Variants in ZNF723 observed in about 807,000 individuals in gnomAD.
ZNF723 encodes zinc finger protein 723, also known as zinc finger protein 723, pseudogene.
Under a neutral mutation model 9.4 loss-of-function variants are expected in ZNF723, and 5 were observed. The observed-to-expected ratio is 0.53, with a 90% CI of 0.28 to 1.12. The LOEUF (loss-of-function observed/expected upper bound fraction) is 1.12. Ranked by LOEUF, ZNF723 falls within the 50% of genes most tolerant of loss-of-function variation. ZNF723 has a pLI of 0.10. For missense variants in ZNF723, 450 were observed against 501.5 expected (o/e 0.90, Z 0.98); for synonymous variants, 158 against 168.8 (o/e 0.94, Z 0.49).
rs1967108685 is a variant in ZNF723 at position 22,832,395 on chromosome 19, G to A, written c.3+13G>A. The A allele has an allele frequency of 1.5e-6, 2 of 1,377,872 alleles. No homozygotes were observed. The highest frequency in any genetic ancestry group is 2.6e-5 in the East Asian group (1 of 38,444). 85.4% of individuals were successfully genotyped at this position (1,377,872 alleles called of 1,614,324 possible). ...AAGCCTAGAAATGGTGAGAGTACCG[G>A]GTCCGACATCCCGAGAGAGGGGAAG... On this transcript the variant is annotated intron_variant, in intron 1 of 3. Coordinates refer to ENST00000600766, the MANE Select transcript of ZNF723 (RefSeq NM_001349726.2).
At chr19:22,812,377 C>T in the ZNF723 span, among the ~76,000 whole-genome samples, 1 of 152,308 alleles carries the variant, frequency 6.6e-6, no homozygotes, top group East Asian at 1.9e-4. Flanking sequence ...TGAATGCAGT[C>T]TACAGTTGAA....
At chr19:22,831,474 T>G (rs1477395600), upstream of ZNF723, among the ~76,000 whole-genome samples, 5 of 151,812 alleles carry the variant, frequency 3.3e-5, no homozygotes, top group African/African-American at 1.2e-4. Flanking sequence ...GGACAATCAC[T>G]TGAGACTGGG....
intron 2 of ZNF723, among the ~76,000 whole-genome samples, 161 bp downstream of exon 2, chr19:22,848,548 A>G (rs1967346792): frequency 6.6e-6 from 1 of 152,126 alleles, no homozygotes; most frequent in East Asian, 1.9e-4. Flanking sequence ...GAATTTCTTC[A>G]AGATAAACAT....
chr19:22,826,971 G>A, the ZNF723 span, among the ~76,000 whole-genome samples: 2 of 152,172 alleles, frequency 1.3e-5, no homozygotes, highest in Admixed American at 6.5e-5. Context: ...TACTTCATAA[G>A]TCAAAAATAA....
the ZNF723 span, among the ~76,000 whole-genome samples, chr19:22,824,101 A>C: frequency 6.6e-6 from 1 of 152,196 alleles, no homozygotes; most frequent in African/African-American, 2.4e-5. Flanking sequence ...CTAGCACATA[A>C]ATTTTGTGAC....
chr19:22,816,313 G>T, the ZNF723 span, among the ~76,000 whole-genome samples: 1 of 152,150 alleles, frequency 6.6e-6, no homozygotes, highest in East Asian at 1.9e-4. Flanking sequence ...AAAGTAAGTT[G>T]AAATTGAAAA....
At chr19:22,817,661 C>T in the ZNF723 span, among the ~76,000 whole-genome samples, 1 of 152,084 alleles carries the variant, frequency 6.6e-6, no homozygotes, top group Non-Finnish European at 1.5e-5. Flanking sequence ...TCTATAACCA[C>T]AGGTAGGATT....
At chr19:22,813,600 G>A in the ZNF723 span, among the ~76,000 whole-genome samples, 1 of 151,812 alleles carries the variant, frequency 6.6e-6, no homozygotes, top group South Asian at 2.1e-4. Context: ...AATTAGTCAG[G>A]CATTGTGGCG....
At chr19:22,815,491 G>A in the ZNF723 span, among the ~76,000 whole-genome samples, 1 of 152,212 alleles carries the variant, frequency 6.6e-6, no homozygotes, top group Admixed American at 6.5e-5. Flanking sequence ...CTATATCTGT[G>A]GCTGAGTACC....
intron 3 of ZNF723, among the ~76,000 whole-genome samples, chr19:22,850,953 C>T (rs1207809771): frequency 6.6e-6 from 1 of 151,944 alleles, no homozygotes; most frequent in African/African-American, 2.4e-5. Flanking sequence ...AATATCATAA[C>T]TTCAATTGAA....
intron 1 of ZNF723, among the ~76,000 whole-genome samples, chr19:22,846,350 C>T (rs1458021390): frequency 2.0e-5 from 3 of 152,106 alleles, no homozygotes; most frequent in African/African-American, 7.2e-5. Context: ...CGGCCAGGTG[C>T]GGTGGCTCCC....
At chr19:22,818,235 G>C in the ZNF723 span, among the ~76,000 whole-genome samples, 9 of 151,608 alleles carry the variant, frequency 5.9e-5, no homozygotes. Flanking sequence ...TCATCAGGTG[G>C]TACACAGATT....
the ZNF723 span, among the ~76,000 whole-genome samples, chr19:22,814,027 G>A: frequency 1.3e-5 from 2 of 151,884 alleles, no homozygotes; most frequent in South Asian, 4.2e-4. Flanking sequence ...GGCCAGTCTG[G>A]TCTTGTGATC....
the ZNF723 span, among the ~76,000 whole-genome samples, chr19:22,822,259 G>A: frequency 2.6e-5 from 4 of 152,200 alleles, no homozygotes; most frequent in African/African-American, 9.6e-5. Flanking sequence ...GAAGCACACT[G>A]GTGATGTCCT....
the ZNF723 span, among the ~76,000 whole-genome samples, chr19:22,816,386 T>C: frequency 7.7e-3 from 1,178 of 152,322 alleles, 14 homozygotes; most frequent in African/African-American, 0.027. Context: ...AGATCCAGCA[T>C]ATCTATGAGG....
chr19:22,823,407 T>C, the ZNF723 span, among the ~76,000 whole-genome samples: 1 of 152,286 alleles, frequency 6.6e-6, no homozygotes, highest in East Asian at 1.9e-4. Context: ...ACAGACGAGA[T>C]AGTGAATCTT....
At chr19:22,813,855 A>C in the ZNF723 span, among the ~76,000 whole-genome samples, 4 of 150,136 alleles carry the variant, frequency 2.7e-5, no homozygotes, top group Non-Finnish European at 5.9e-5. Context: ...TCTGTTGCTC[A>C]TGCTGGAGTG....
upstream of ZNF723, among the ~76,000 whole-genome samples, chr19:22,829,178 TAAAC>T (rs747321244): frequency 4.8e-4 from 71 of 148,230 alleles, no homozygotes; most frequent in African/African-American, 1.7e-3. Flanking sequence ...ATCTCAGTAA[TAAAC>T]AAACAAACAA....
At chr19:22,842,951 A>G (rs528059219) in intron 1 of ZNF723, among the ~76,000 whole-genome samples, 7 of 152,342 alleles carry the variant, frequency 4.6e-5, no homozygotes, top group African/African-American at 1.4e-4. Flanking sequence ...TTGTCCAGTG[A>G]CCTGCTACAG....
Sources: allele counts gnomAD v4.1 joint callset (sites outside exome capture counted in the v4.1 genomes callset), GRCh38; gene constraint gnomAD v4.1.1; transcripts MANE v1.5; gene names NCBI Gene and HGNC (gene_info 2026-07-23, HGNC 2026-07-21).